Variants in ZNRF3 observed in about 807,000 individuals in gnomAD.
ZNRF3 encodes E3 ubiquitin-protein ligase ZNRF3.
A neutral mutation model predicts 72.5 loss-of-function variants in ZNRF3; 23 were observed. The ratio of observed to expected loss-of-function variants is 0.32; its 90% CI spans 0.23 to 0.45. ZNRF3 has a LOEUF of 0.45. Ranked by LOEUF, ZNRF3 falls within the 20% of genes least tolerant of loss-of-function variation. The pLI, the probability that ZNRF3 is intolerant of heterozygous loss-of-function variation, is 1.00. For synonymous variants in ZNRF3, 610 were observed against 545.3 expected (o/e 1.12, Z -1.65); for missense variants, 1,169 against 1,272.1 (o/e 0.92, Z 1.23).
chr22:29,028,813 T>G (rs1247973687), intron 2 of ZNRF3, among the ~76,000 whole-genome samples: 1 of 152,202 alleles, frequency 6.6e-6, no homozygotes, highest in Admixed American at 6.5e-5. Flanking sequence ...CTTTCCCTCT[T>G]GGAGTCTCAG....
rs574508068 is a variant in ZNRF3 at position 28,956,157 on chromosome 22, C to T, written c.301-30919C>T. Among the ~76,000 whole-genome samples the T allele has an allele frequency of 3.3e-5, 5 of 152,114 alleles. No individual in the cohort carries two copies. In the South Asian group the frequency reaches 1.0e-3, roughly 32 times the overall value. ...ATGTCACCTTCAAGGAGGGAGTGTG[C>T]TCATTGCAGGCTGCTTTCTGGGATG... On this transcript the variant is annotated intron_variant, in intron 1 of 8. Coordinates refer to ENST00000544604, the MANE Select transcript of ZNRF3 (RefSeq NM_001206998.2).
intron 5 of ZNRF3, among the ~76,000 whole-genome samples, chr22:29,045,729 G>A (rs1331432266): frequency 6.6e-6 from 1 of 152,116 alleles, no homozygotes. Context: ...CGCCCGCCTC[G>A]GCCTCCCAAA....
intron 1 of ZNRF3, among the ~76,000 whole-genome samples, chr22:28,888,494 G>A (rs925006586): frequency 6.6e-6 from 1 of 152,114 alleles, no homozygotes; most frequent in African/African-American, 2.4e-5. Flanking sequence ...GGGAAAACTG[G>A]GGCTGTATTT....
intron 2 of ZNRF3, among the ~76,000 whole-genome samples, chr22:29,032,386 G>A (rs1295762120): frequency 2.0e-5 from 3 of 152,174 alleles, no homozygotes; most frequent in African/African-American, 4.8e-5. Flanking sequence ...AGGGGCTGGG[G>A]CCTGATACAG....
chr22:28,936,135 G>A (rs1023323777), intron 1 of ZNRF3, among the ~76,000 whole-genome samples: 1 of 152,102 alleles, frequency 6.6e-6, no homozygotes, highest in Non-Finnish European at 1.5e-5. Flanking sequence ...GGCTTTTATT[G>A]TGAATCTCCA....
At chr22:29,042,339 A>T (rs12484832) in intron 2 of ZNRF3, among the ~76,000 whole-genome samples, 156 bp from the exon 3 acceptor site, 66,857 of 152,036 alleles carry the variant, frequency 0.44, 15,204 homozygotes, top group Non-Finnish European at 0.49. Flanking sequence ...TATAGATGGG[A>T]AAATTGAGGA....
chr22:29,036,305 G>A lies in ZNRF3; in HGVS notation c.427-6190G>A, dbSNP rs150842275. The stretch of plus-strand genomic sequence containing the variant: ...CTAAGATATTAGAGCTCAGAGAGAG[G>A]TATCTTATCTGTCCTTTGGCTAAGG... On this transcript the variant is annotated intron_variant, in intron 2 of 8. Coordinates refer to ENST00000544604, the MANE Select transcript of ZNRF3 (RefSeq NM_001206998.2). Among the ~76,000 whole-genome samples the A allele has an allele frequency of 3.0e-3, 460 of 152,250 alleles. 1 individual carries two copies. The highest frequency in any genetic ancestry group is 4.4e-3 in the Non-Finnish European group (302 of 68,016).
intron 1 of ZNRF3, among the ~76,000 whole-genome samples, chr22:28,888,336 GTTAAC>G (rs771433894): frequency 1.3e-5 from 2 of 152,158 alleles, no homozygotes; most frequent in Non-Finnish European, 2.9e-5. Context: ...TCCATTTTAA[GTTAAC>G]TTAACAGGCC....
At position 28,965,433 on chromosome 22, in the gene ZNRF3, A is replaced by C. The variant is rs528071760; in HGVS notation, c.301-21643A>C. The stretch of plus-strand genomic sequence containing the variant: ...TTATGTAGATGAGGAAGCCAAGTTC[A>C]GAAATTTGCTCAAGGTCACATACAA... On this transcript the variant is annotated intron_variant, in intron 1 of 8. Transcript: ENST00000544604. Among the ~76,000 whole-genome samples the C allele has an allele frequency of 3.3e-5, 5 of 152,334 alleles. 1 individual carries two copies. The East Asian group carries it at 9.6e-4, about 29-fold the overall frequency.
intron 1 of ZNRF3, among the ~76,000 whole-genome samples, chr22:28,940,248 A>C (rs1364118697): frequency 1.3e-5 from 2 of 152,230 alleles, no homozygotes; most frequent in Non-Finnish European, 1.5e-5. Flanking sequence ...ACAAGGCTAA[A>C]TGAATTAAGG....
intron 1 of ZNRF3, among the ~76,000 whole-genome samples, chr22:28,972,689 C>T (rs1362246732): frequency 1.3e-5 from 2 of 152,222 alleles, no homozygotes; most frequent in Admixed American, 1.3e-4. Flanking sequence ...CTGCCAGACT[C>T]TTTTCCAAAG....
At chr22:28,929,704 G>A (rs906524664) in intron 1 of ZNRF3, among the ~76,000 whole-genome samples, 2 of 152,214 alleles carry the variant, frequency 1.3e-5, no homozygotes, top group African/African-American at 4.8e-5. Context: ...ACAACTGAGT[G>A]TGTGCCTTTT....
chr22:28,885,868 CTA>C (rs1425293697), intron 1 of ZNRF3, among the ~76,000 whole-genome samples: 5 of 151,144 alleles, frequency 3.3e-5, no homozygotes, highest in Non-Finnish European at 2.9e-5. Flanking sequence ...CAGAAGGAAT[CTA>C]TTCTCTTCTG....
intron 1 of ZNRF3, among the ~76,000 whole-genome samples, chr22:28,985,830 T>C (rs1186920934): frequency 6.6e-6 from 1 of 152,240 alleles, no homozygotes; most frequent in Non-Finnish European, 1.5e-5. Flanking sequence ...GCAACACAAA[T>C]TCATTCTCTT....
At position 29,050,290 on chromosome 22, in the gene ZNRF3, G is replaced by T. The variant is rs777067689; in HGVS notation, c.2109G>T (p.Gly703=). ...AAPDLRRTWK[G]GHELPSCACC... is the part of the protein sequence containing the mutation. Reference sequence around the variant, plus strand: ...CTGACCTCAGGAGGACCTGGAAGGGGGGCCACGAGTTGCCGTCGTGTGCCT... The same window carrying T: ...CTGACCTCAGGAGGACCTGGAAGGGTGGCCACGAGTTGCCGTCGTGTGCCT... Residue 703 remains glycine, a synonymous_variant, in exon 8 of 9, where the codon GGG becomes GGT. Coordinates refer to ENST00000544604, the MANE Select transcript of ZNRF3 (RefSeq NM_001206998.2). 3 of 1,597,810 alleles carry T rather than the reference G, an allele frequency of 1.9e-6. No individual in the cohort carries two copies. Among genetic ancestry groups the T allele is most frequent in the Admixed American group, 3.3e-5 (2 of 59,902 alleles).
intron 1 of ZNRF3, among the ~76,000 whole-genome samples, chr22:28,900,685 C>G (rs1289478770): frequency 6.6e-6 from 1 of 152,206 alleles, no homozygotes. Flanking sequence ...AACCCCACCC[C>G]TTTGAAAAGA....
rs117254256 is a variant in ZNRF3 at position 28,997,918 on chromosome 22, C to A, written c.426+10717C>A. The stretch of plus-strand genomic sequence containing the variant: ...ACTCAGAAGGTTAACATGGGAGGAT[C>A]ATTTGAGCCCAGGAGTTCAAGGCTG... On this transcript the variant is annotated intron_variant, in intron 2 of 8. Transcript: ENST00000544604. Among the ~76,000 whole-genome samples, 571 of 144,008 alleles carry A rather than the reference C, an allele frequency of 4.0e-3. 3 individuals are homozygous for A. Among genetic ancestry groups the A allele is most frequent in the South Asian group, 8.7e-3 (39 of 4,470 alleles). 94.5% of individuals were successfully genotyped at this position (144,008 alleles called of 152,430 possible).
chr22:29,034,702 T>G (rs974180142), intron 2 of ZNRF3, among the ~76,000 whole-genome samples: 1 of 152,224 alleles, frequency 6.6e-6, no homozygotes, highest in African/African-American at 2.4e-5. Context: ...ATGAGGCAAG[T>G]GAAGCCATGT....
At chr22:28,971,859 A>C (rs1024491365) in intron 1 of ZNRF3, among the ~76,000 whole-genome samples, 11 of 152,140 alleles carry the variant, frequency 7.2e-5, no homozygotes, top group African/African-American at 2.7e-4. Flanking sequence ...GGTTTACACC[A>C]CCACACCTGC....
Sources: allele counts gnomAD v4.1 joint callset (sites outside exome capture counted in the v4.1 genomes callset), GRCh38; gene constraint gnomAD v4.1.1; transcripts MANE v1.5; gene names NCBI Gene and HGNC (gene_info 2026-07-23, HGNC 2026-07-21).